FHIT: variants seen among roughly 807,000 people sequenced by gnomAD.
FHIT encodes the protein fragile histidine triad diadenosine triphosphatase.
Under a neutral mutation model 17.9 loss-of-function variants are expected in FHIT, and 19 were observed. That is an observed-to-expected ratio of 1.06 (90% CI 0.74 to 1.56). FHIT has a LOEUF of 1.56. Ranked by LOEUF, FHIT falls within the 40% of genes most tolerant of loss-of-function variation. The probability of loss-of-function intolerance (pLI) is 0.00; values close to 1 mark genes in which losing one functional copy is unlikely to be tolerated. For synonymous variants in FHIT, 81 were observed against 69.7 expected (o/e 1.16, Z -0.81); for missense variants, 248 against 189.2 (o/e 1.31, Z -1.82).
chr3:60,325,711 C>T (rs1475578875), intron 5 of FHIT, among the ~76,000 whole-genome samples: 9 of 152,148 alleles, frequency 5.9e-5, no homozygotes, highest in East Asian at 1.9e-4. Context: ...AGAGGATTTA[C>T]AATACAGAGT....
chr3:60,142,985 A>G (rs1309943762), intron 5 of FHIT, among the ~76,000 whole-genome samples: 1 of 152,216 alleles, frequency 6.6e-6, no homozygotes, highest in African/African-American at 2.4e-5. Context: ...TCACTTAGAT[A>G]TGGCTGCTCT....
intron 8 of FHIT, among the ~76,000 whole-genome samples, chr3:59,899,156 C>A (rs1173965494): frequency 6.6e-6 from 1 of 152,188 alleles, no homozygotes; most frequent in East Asian, 1.9e-4. Flanking sequence ...AACCTTTCTG[C>A]ATTTTGCTCC....
chr3:59,875,653 A>C (rs1305681872), intron 8 of FHIT, among the ~76,000 whole-genome samples: 1 of 152,148 alleles, frequency 6.6e-6, no homozygotes. Flanking sequence ...GTTTTTAGCA[A>C]AGGAAATTTT....
intron 4 of FHIT, among the ~76,000 whole-genome samples, chr3:60,580,666 C>A (rs1553659425): frequency 6.6e-6 from 1 of 151,978 alleles, no homozygotes; most frequent in East Asian, 1.9e-4. Flanking sequence ...GATTAAAAAT[C>A]CCAAGTTTGA....
chr3:60,014,650 T>C (rs984931457), intron 5 of FHIT, among the ~76,000 whole-genome samples: 1 of 152,220 alleles, frequency 6.6e-6, no homozygotes. Flanking sequence ...AGTAGATGTT[T>C]ATTTTATTTT....
chr3:61,011,441 T>C (rs1174652955), intron 3 of FHIT, among the ~76,000 whole-genome samples: 1 of 152,100 alleles, frequency 6.6e-6, no homozygotes, highest in Non-Finnish European at 1.5e-5. Context: ...TGAATATCAG[T>C]TATTGAAATC....
At chr3:60,307,251 T>A (rs1354316346) in intron 5 of FHIT, among the ~76,000 whole-genome samples, 5 of 152,170 alleles carry the variant, frequency 3.3e-5, no homozygotes, top group Non-Finnish European at 7.4e-5. Flanking sequence ...CAGAGAAGTC[T>A]TAACAGAAAA....
At chr3:60,103,083 C>T (rs1317577879) in intron 5 of FHIT, among the ~76,000 whole-genome samples, 3 of 152,174 alleles carry the variant, frequency 2.0e-5, no homozygotes, top group Admixed American at 1.3e-4. Flanking sequence ...GCTAACACAT[C>T]ACAGCTTACT....
At chr3:60,089,521 C>A (rs1703641436) in intron 5 of FHIT, among the ~76,000 whole-genome samples, 1 of 152,106 alleles carries the variant, frequency 6.6e-6, no homozygotes, top group African/African-American at 2.4e-5. Flanking sequence ...GCCAGCTAGT[C>A]ACCCATACAA....
intron 7 of FHIT, among the ~76,000 whole-genome samples, chr3:59,956,741 CA>C (rs1559497206): frequency 6.6e-6 from 1 of 152,184 alleles, no homozygotes; most frequent in Non-Finnish European, 1.5e-5. Context: ...GGGATAAGAA[CA>C]GTAGCCACCT....
At chr3:59,871,441 C>G (rs1310067307) in intron 8 of FHIT, among the ~76,000 whole-genome samples, 1 of 152,046 alleles carries the variant, frequency 6.6e-6, no homozygotes, top group African/African-American at 2.4e-5. Context: ...ACATAGTATC[C>G]TTACCCACCC....
At chr3:60,520,017 T>C (rs941769317) in intron 5 of FHIT, among the ~76,000 whole-genome samples, 14 of 152,214 alleles carry the variant, frequency 9.2e-5, no homozygotes. Flanking sequence ...TAGTACAGTA[T>C]GTACTATAGT....
intron 5 of FHIT, among the ~76,000 whole-genome samples, chr3:60,015,211 C>T (rs954925762): frequency 4.6e-5 from 7 of 152,088 alleles, no homozygotes; most frequent in African/African-American, 1.7e-4. Context: ...AATATCAACC[C>T]CATTCCGCTA....
intron 2 of FHIT, among the ~76,000 whole-genome samples, chr3:61,089,187 A>AC (rs1357629538): frequency 7.9e-5 from 12 of 152,188 alleles, no homozygotes; most frequent in African/African-American, 2.9e-4. Context: ...GTGTCAGACT[A>AC]CCAGGTCCAT....
intron 4 of FHIT, among the ~76,000 whole-genome samples, chr3:60,665,440 T>C (rs2107832929): frequency 6.6e-6 from 1 of 152,118 alleles, no homozygotes; most frequent in African/African-American, 2.4e-5. Context: ...TTTTGCTTTG[T>C]GTATTTTGAG....
intron 4 of FHIT, among the ~76,000 whole-genome samples, chr3:60,605,451 G>A (rs2038579322): frequency 1.3e-5 from 2 of 152,198 alleles, no homozygotes; most frequent in African/African-American, 4.8e-5. Flanking sequence ...GGACAAAGAA[G>A]TGTACGGATT....
At chr3:60,356,787 A>AAG (rs1699685310) in intron 5 of FHIT, among the ~76,000 whole-genome samples, 1 of 127,586 alleles carries the variant, frequency 7.8e-6, no homozygotes, top group Non-Finnish European at 1.5e-5. Context: ...AAAACGGAAG[A>AAG]AAGAGTAAAT....
intron 2 of FHIT, among the ~76,000 whole-genome samples, chr3:61,081,696 T>C (rs2106778392): frequency 6.6e-6 from 1 of 152,306 alleles, no homozygotes; most frequent in South Asian, 2.1e-4. Context: ...CACTGTGTCT[T>C]TTCTCCTCTT....
intron 3 of FHIT, among the ~76,000 whole-genome samples, chr3:61,036,904 T>TTTTTTTTG (rs1559928974): frequency 3.0e-5 from 3 of 101,152 alleles, no homozygotes; most frequent in African/African-American, 9.0e-5. Flanking sequence ...CTGCTTTGTT[T>TTTTTTTTG]TTTTTTTTTG....
Sources: gnomAD v4.1 joint callset for allele counts (sites outside exome capture counted in the v4.1 genomes callset) on GRCh38, gnomAD v4.1.1 for gene constraint, MANE v1.5 for transcripts, NCBI Gene and HGNC (gene_info 2026-07-23, HGNC 2026-07-21) for gene names.